BTBD1: variants seen among roughly 807,000 people sequenced by gnomAD.
BTBD1 encodes BTB domain containing 1.
A neutral mutation model predicts 48.0 loss-of-function variants in BTBD1; 34 were observed. The observed-to-expected ratio is 0.71, with a 90% CI of 0.54 to 0.94. The LOEUF (loss-of-function observed/expected upper bound fraction) is 0.94. BTBD1 is among the 40% of genes least tolerant of loss of function. BTBD1 has a pLI of 0.00. For synonymous variants in BTBD1, 261 were observed against 242.1 expected (o/e 1.08, Z -0.72); for missense variants, 543 against 625.6 (o/e 0.87, Z 1.41).
rs939221436 is a variant in BTBD1 at position 83,044,752 on chromosome 15, T to G, written c.665-2827A>C. On this transcript the variant is annotated intron_variant, in intron 3 of 7. Transcript: ENST00000261721. ...ATGAACAATGTCGCCTGTACTCGGA[T>G]CTATGAAAAAGTAGAATAAAAATTC... 2.8e-6 allele frequency: 4 copies of G among 1,451,818 alleles called. No individual in the cohort carries two copies. In the Admixed American group the frequency reaches 6.7e-5, roughly 24 times the overall value. 89.9% of individuals were successfully genotyped at this position (1,451,818 alleles called of 1,614,324 possible). A position where few individuals can be genotyped will look rare whatever the true frequency, so the allele number is the denominator to read the frequency against.
intron 4 of BTBD1, among the ~76,000 whole-genome samples, chr15:83,037,011 T>C (rs2032643008): frequency 6.6e-6 from 1 of 152,204 alleles, no homozygotes; most frequent in South Asian, 2.1e-4. Flanking sequence ...TTTTACTATA[T>C]GGATGTTAAA....
chr15:83,057,462 T>C (rs186646462), intron 1 of BTBD1, among the ~76,000 whole-genome samples: 8 of 152,328 alleles, frequency 5.3e-5, no homozygotes, highest in African/African-American at 1.9e-4. Flanking sequence ...TCAGTAAATA[T>C]TAGCTATTTA....
rs999404321 is a variant in BTBD1, at chr15:83,016,457, A to T, written c.*1610T>A. ...TATATATATATATTTATTTATTTTT[A>T]AAAACTCCAGGGGATGTCCCAAAGT... is the stretch of plus-strand genomic sequence containing the variant. On this transcript the variant is annotated 3_prime_UTR_variant, in exon 8 of 8. Transcript: ENST00000261721. 2.0e-5 allele frequency: 3 copies of T among 151,800 alleles called. No homozygotes were observed. The highest frequency in any genetic ancestry group is 1.3e-4 in the Admixed American group (2 of 15,260). The allele number at this position is 151,800 out of a possible 1,614,324, so 9.4% of individuals were successfully genotyped here. A position where few individuals can be genotyped will look rare whatever the true frequency, so the allele number is the denominator to read the frequency against.
Position 83,030,239 on chromosome 15 carries a change from T to C in BTBD1, c.952A>G (p.Ile318Val). 1.2e-6 allele frequency: 2 copies of C among 1,614,082 alleles called. No individual in the cohort carries two copies. The highest frequency in any genetic ancestry group is 1.7e-6 in the Non-Finnish European group (2 of 1,179,996). The change falls in exon 5 of 8, where the codon ATT becomes GTT. Residue 318 changes from isoleucine (I) to valine (V), a missense_variant. Physicochemically the swap from Ile to Val is conservative, Grantham distance 29. Coordinates refer to ENST00000261721, the MANE Select transcript of BTBD1 (RefSeq NM_025238.4). ...CTGAGACAGCATCTTGGTCGGTCAA[T>C]GTATTCAACTCGGGGTTTAGGGTTG... ...TVNPKPRVEY[I>V]DRPRCCLRGK...
At chr15:83,034,197 C>T (rs1220127466) in intron 4 of BTBD1, among the ~76,000 whole-genome samples, 1 of 151,576 alleles carries the variant, frequency 6.6e-6, no homozygotes, top group Non-Finnish European at 1.5e-5. Context: ...GTCTGTCAGA[C>T]TGAATTTTTT....
intron 3 of BTBD1, among the ~76,000 whole-genome samples, chr15:83,044,088 T>C (rs1369245124): frequency 6.6e-6 from 1 of 152,044 alleles, no homozygotes; most frequent in African/African-American, 2.4e-5. Context: ...CGTTAAGCAC[T>C]TGAAAAGAAT....
At chr15:83,042,692 T>C (rs1180549078) in intron 3 of BTBD1, among the ~76,000 whole-genome samples, 1 of 152,194 alleles carries the variant, frequency 6.6e-6, no homozygotes, top group Middle Eastern at 3.2e-3. Context: ...CCAGCACTGA[T>C]ATATCACTGA....
intron 7 of BTBD1, 62 bp from the exon 8 acceptor site, chr15:83,018,287 T>C: frequency 7.8e-7 from 1 of 1,282,316 alleles, no homozygotes; most frequent in Non-Finnish European, 1.1e-6. Context: ...TTTAATGTGG[T>C]GTTTTAATTA....
intron 4 of BTBD1, 25 bp downstream of exon 4, chr15:83,041,703 G>C: frequency 6.2e-7 from 1 of 1,607,222 alleles, no homozygotes; most frequent in Non-Finnish European, 8.5e-7. Flanking sequence ...GTTTCAAATA[G>C]ATTTTGGTGA....
At chr15:83,032,704 A>C (rs976435608) in intron 4 of BTBD1, among the ~76,000 whole-genome samples, 3 of 152,176 alleles carry the variant, frequency 2.0e-5, no homozygotes, top group Non-Finnish European at 4.4e-5. Flanking sequence ...CCTAAGAATG[A>C]TATAATGAAC....
chr15:83,033,249 T>C (rs1424357958), intron 4 of BTBD1, among the ~76,000 whole-genome samples: 1 of 152,006 alleles, frequency 6.6e-6, no homozygotes, highest in Non-Finnish European at 1.5e-5. Context: ...AAGATGTTTT[T>C]AGACAAAAGA....
At chr15:83,024,283 ATG>A (rs1389696632) in intron 5 of BTBD1, 36 of 152,286 alleles carry the variant, frequency 2.4e-4, no homozygotes, top group African/African-American at 8.7e-4. Context: ...TTCTCTACAG[ATG>A]TGTTTGTCTT....
chr15:83,061,137 C>A (rs536655555), intron 1 of BTBD1, among the ~76,000 whole-genome samples: 10 of 152,192 alleles, frequency 6.6e-5, no homozygotes, highest in Non-Finnish European at 1.3e-4. Flanking sequence ...GCCTACTACG[C>A]ACCTAAGCTA....
intron 3 of BTBD1, among the ~76,000 whole-genome samples, chr15:83,048,138 C>T (rs2032913112): frequency 6.6e-6 from 1 of 152,084 alleles, no homozygotes; most frequent in Admixed American, 6.6e-5. Context: ...GCCATGAGCA[C>T]CTGCTGATAA....
At chr15:83,060,433 C>T (rs1359641718) in intron 1 of BTBD1, among the ~76,000 whole-genome samples, 1 of 147,262 alleles carries the variant, frequency 6.8e-6, no homozygotes, top group East Asian at 2.0e-4. Context: ...CAAATTAGTC[C>T]TATTTTCCCC....
intron 5 of BTBD1, among the ~76,000 whole-genome samples, chr15:83,026,869 T>C (rs1436512838): frequency 6.6e-6 from 1 of 152,100 alleles, no homozygotes; most frequent in African/African-American, 2.4e-5. Flanking sequence ...GCAACTACCA[T>C]ATAAACAGAA....
chr15:83,031,733 A>G (rs935051356), intron 4 of BTBD1, among the ~76,000 whole-genome samples: 5 of 152,166 alleles, frequency 3.3e-5, no homozygotes, highest in Non-Finnish European at 5.9e-5. Flanking sequence ...CGTATGTAAC[A>G]AACCTGCACG....
intron 3 of BTBD1, among the ~76,000 whole-genome samples, chr15:83,046,969 T>C (rs1412790767): frequency 2.0e-5 from 3 of 152,166 alleles, no homozygotes; most frequent in Non-Finnish European, 2.9e-5. Flanking sequence ...CTTAAGACTA[T>C]GTGAGAGCCA....
At chr15:83,054,442 T>A (rs542557081) in intron 2 of BTBD1, among the ~76,000 whole-genome samples, 1 of 152,256 alleles carries the variant, frequency 6.6e-6, no homozygotes, top group Non-Finnish European at 1.5e-5. Context: ...TAGCTTGGGG[T>A]CTGGCATACG....
Sources: allele counts gnomAD v4.1 joint callset (sites outside exome capture counted in the v4.1 genomes callset), GRCh38; gene constraint gnomAD v4.1.1; transcripts MANE v1.5; gene names NCBI Gene and HGNC (gene_info 2026-07-23, HGNC 2026-07-21).